Variants in SLC17A2 observed in about 807,000 individuals in gnomAD.
SLC17A2 encodes sodium-dependent phosphate transport protein 3.
In SLC17A2, 38 loss-of-function variants were observed where a neutral mutation model predicts 52.1. The ratio of observed to expected loss-of-function variants is 0.73; its 90% confidence interval spans 0.56 to 0.96. The LOEUF (loss-of-function observed/expected upper bound fraction) is 0.96. Ranked by LOEUF, SLC17A2 falls within the 40% of genes least tolerant of loss-of-function variation. SLC17A2 has a pLI of 0.00. For synonymous variants in SLC17A2, 226 were observed against 211.9 expected, an observed-to-expected ratio of 1.07 and a Z score of -0.58; for missense variants, 508 against 583.9, an observed-to-expected ratio of 0.87 and a Z score of 1.34.
chr6:25,915,937 G>A lies in SLC17A2; in HGVS notation c.931-69C>T, dbSNP rs79578997. On this transcript the variant is annotated intron_variant, in intron 8 of 11. Coordinates refer to ENST00000377850, the MANE Select transcript of SLC17A2 (RefSeq NM_001286123.3). ...AGCACCAAAATTTGTCAGTTACACA[G>A]ACCAGCCATTAACTTACCCCCATGA... The A allele has an allele frequency of 8.0e-3, 11,797 of 1,480,888 alleles. 240 individuals carry two copies. Among genetic ancestry groups the A allele is most frequent in the African/African-American group, 0.072 (5,159 of 71,200 alleles). 91.7% of individuals were successfully genotyped at this position (1,480,888 alleles called of 1,614,324 possible).
At chr6:25,923,637 T>G (rs952251838) in intron 3 of SLC17A2, 58 bp downstream of exon 3, 15 of 1,278,472 alleles carry the variant, frequency 1.2e-5, no homozygotes, top group East Asian at 2.3e-5. Context: ...TCAAGATCTA[T>G]GCCTTCCTTT....
chr6:25,927,300 T>C lies in SLC17A2; in HGVS notation c.-83-1421A>G, dbSNP rs954357516. Among the ~76,000 whole-genome samples, 69 of 152,214 alleles carry C rather than the reference T, an allele frequency of 4.5e-4. 1 individual carries two copies. ...TGTTAGAGATAAATTAACCTAATAATGAGAGTCTGGCAAGTCAATTTGATA... is the reference window on the plus strand; with the variant it reads ...TGTTAGAGATAAATTAACCTAATAACGAGAGTCTGGCAAGTCAATTTGATA... On this transcript the variant is annotated intron_variant, in intron 1 of 11. Coordinates refer to ENST00000377850, the MANE Select transcript of SLC17A2 (RefSeq NM_001286123.3).
chr6:25,914,744 T>TG, intron 10 of SLC17A2, 74 bp from the exon 11 acceptor site: 1 of 907,540 alleles, frequency 1.1e-6, no homozygotes, highest in African/African-American at 1.6e-5. Context: ...TCAACTTTAA[T>TG]GCAATTCAGC....
rs753056855 is a variant in SLC17A2 at position 25,913,292 on chromosome 6, C to T, written c.*25G>A. 4 of 1,613,792 alleles carry T rather than the reference C, an allele frequency of 2.5e-6. No homozygotes were observed. The highest frequency in any genetic ancestry group is 1.7e-5 in the Admixed American group (1 of 60,016). Reference sequence around the variant, plus strand: ...TTTAAAAAGTTCATGCTCAGTACCACATTTAAGTTTGTAACTTTATGTCCT... The same window carrying T: ...TTTAAAAAGTTCATGCTCAGTACCATATTTAAGTTTGTAACTTTATGTCCT... On this transcript the variant is annotated 3_prime_UTR_variant, in exon 12 of 12. Transcript: ENST00000377850.
In SLC17A2 at chr6:25,918,530, T is replaced by C; in HGVS notation, c.606A>G (p.Leu202=). The change falls in exon 6 of 12, where the codon CTA becomes CTG. Residue 202 remains leucine (L), a synonymous_variant. Coordinates refer to ENST00000377850, the MANE Select transcript of SLC17A2 (RefSeq NM_001286123.3). ...GSFIILCVGG[L]ISQALSWPFI... is the part of the protein sequence containing the mutation. ...AAGGCCAGCTCAAGGCCTGTGAGAT[T>C]AGTCCCCCCACACAGAGGATGATGA... is the stretch of plus-strand genomic sequence containing the variant. The C allele has an allele frequency of 1.2e-6, 2 of 1,613,844 alleles. No individual in the cohort carries two copies. Among genetic ancestry groups the C allele is most frequent in the Admixed American group, 1.7e-5 (1 of 59,998 alleles).
At chr6:25,919,727 A>AAAAAAAT in intron 5 of SLC17A2, among the ~76,000 whole-genome samples, 1 of 144,284 alleles carries the variant, frequency 6.9e-6, no homozygotes. Flanking sequence ...AAAAAAAAAA[A>AAAAAAAT]GGTTTAGGAA....
intron 10 of SLC17A2, among the ~76,000 whole-genome samples, chr6:25,915,015 C>A (rs1260758726): frequency 6.6e-6 from 1 of 151,806 alleles, no homozygotes; most frequent in East Asian, 1.9e-4. Flanking sequence ...ATAGTCACAC[C>A]ATTTAACCTC....
chr6:25,921,519 T>C, intron 3 of SLC17A2, 107 bp from the exon 4 acceptor site: 1 of 728,380 alleles, frequency 1.4e-6, no homozygotes, highest in South Asian at 1.9e-5. Context: ...AAATATTGAT[T>C]TTTGTTTCTC....
At chr6:25,915,149 G>A (rs1446284950) in intron 10 of SLC17A2, among the ~76,000 whole-genome samples, 2 of 57,844 alleles carry the variant, frequency 3.5e-5, no homozygotes, top group East Asian at 2.9e-4. Context: ...TATTGTGACT[G>A]TATATATATA....
chr6:25,929,416 C>G (rs1302337765), intron 1 of SLC17A2, among the ~76,000 whole-genome samples: 1 of 152,140 alleles, frequency 6.6e-6, no homozygotes, highest in African/African-American at 2.4e-5. Context: ...AATAAACAGT[C>G]ACAATATTGG....
chr6:25,929,633 C>A (rs113788274), intron 1 of SLC17A2, among the ~76,000 whole-genome samples: 1 of 152,078 alleles, frequency 6.6e-6, no homozygotes, highest in African/African-American at 2.4e-5. Flanking sequence ...AACTGAGGGC[C>A]CTCTCATCAT....
At chr6:25,917,997 T>C (rs80215559) in intron 6 of SLC17A2, among the ~76,000 whole-genome samples, 5,590 of 152,278 alleles carry the variant, frequency 0.037, 144 homozygotes, top group Non-Finnish European at 0.063. Context: ...CAGAATCTGA[T>C]AGGGTAAGCC....
chr6:25,923,153 C>T (rs746633193), intron 3 of SLC17A2, among the ~76,000 whole-genome samples: 10 of 152,126 alleles, frequency 6.6e-5, no homozygotes, highest in Non-Finnish European at 1.0e-4. Context: ...TGCCACTGCA[C>T]TCCAGCCTGA....
intron 2 of SLC17A2, among the ~76,000 whole-genome samples, chr6:25,924,901 A>T (rs73385068): frequency 0.032 from 4,869 of 152,164 alleles, 251 homozygotes; most frequent in African/African-American, 0.11. Flanking sequence ...GAAAGGACAA[A>T]TTTTTTCTTT....
At position 25,924,056 on chromosome 6, in the gene SLC17A2, C is replaced by G. The variant is rs575768843; in HGVS notation, c.29-150G>C. On this transcript the variant is annotated intron_variant, in intron 2 of 11. Coordinates refer to ENST00000377850, the MANE Select transcript of SLC17A2 (RefSeq NM_001286123.3). ...CAAAATAGCCAGCACTACAAACCCA[C>G]TTTGTCAAATTATTTGGTTGGCTTC... is the stretch of plus-strand genomic sequence containing the variant. 68 of 646,756 alleles carry G rather than the reference C, an allele frequency of 1.1e-4. No individual in the cohort carries two copies. The Admixed American group carries it at 1.8e-3, about 18-fold the overall frequency. The allele number at this position is 646,756 out of a possible 1,614,324, so 40.1% of individuals were successfully genotyped here. A position where few individuals can be genotyped will look rare whatever the true frequency, so the allele number is the denominator to read the frequency against.
intron 8 of SLC17A2, 105 bp from the exon 9 acceptor site, chr6:25,915,973 T>A: frequency 9.4e-7 from 1 of 1,061,010 alleles, no homozygotes; most frequent in Non-Finnish European, 1.3e-6. Flanking sequence ...TACTGTGGGT[T>A]GTTTGGGGGA....
At chr6:25,927,256 A>AT (rs1766802077) in intron 1 of SLC17A2, among the ~76,000 whole-genome samples, 1 of 152,240 alleles carries the variant, frequency 6.6e-6, no homozygotes, top group Admixed American at 6.5e-5. Context: ...CCTTTGTAGT[A>AT]TTACTCATGA....
intron 1 of SLC17A2, among the ~76,000 whole-genome samples, chr6:25,926,255 A>G (rs1581575291): frequency 6.6e-6 from 1 of 152,170 alleles, no homozygotes; most frequent in East Asian, 1.9e-4. Context: ...CAGGACAATT[A>G]AACTAAGCTC....
intron 1 of SLC17A2, 49 bp from the exon 2 acceptor site, chr6:25,925,928 T>C (rs1766748526): frequency 1.0e-6 from 1 of 967,820 alleles, no homozygotes; most frequent in Non-Finnish European, 1.7e-6. Flanking sequence ...AATTTCCCCT[T>C]GTTAATGTTG....
Sources: gnomAD v4.1 joint callset for allele counts (sites outside exome capture counted in the v4.1 genomes callset) on GRCh38, gnomAD v4.1.1 for gene constraint, MANE v1.5 for transcripts, NCBI Gene and HGNC (gene_info 2026-07-23, HGNC 2026-07-21) for gene names.